The following ASTN2 variants were observed in gnomAD, a reference collection of about 807,000 sequenced individuals.
The protein encoded by ASTN2 is astrotactin-2.
In ASTN2, 54 loss-of-function variants were observed where a neutral mutation model predicts 139.8. That is an observed-to-expected ratio of 0.39 (90% CI 0.31 to 0.48). The LOEUF (loss-of-function observed/expected upper bound fraction) is 0.48, where lower values mean the gene tolerates loss of function less well. Ranked by LOEUF, ASTN2 falls within the 20% of genes least tolerant of loss-of-function variation. The pLI, the probability that ASTN2 is intolerant of heterozygous loss-of-function variation, is 0.95. For synonymous variants in ASTN2, 756 were observed against 719.5 expected (o/e 1.05, Z -0.81); for missense variants, 1,565 against 1,725.1 (o/e 0.91, Z 1.64).
chr9:117,193,476 AAAAATACAAAAATTAGCTG>A (rs1831402695), intron 3 of ASTN2, among the ~76,000 whole-genome samples: 5 of 151,834 alleles, frequency 3.3e-5, no homozygotes, highest in South Asian at 4.2e-4. Flanking sequence ...TGTCTCTACT[AAAAATACAAAAATTAGCTG>A]GGTGTGGTGG....
intron 3 of ASTN2, among the ~76,000 whole-genome samples, chr9:117,159,094 A>C (rs2132896349): frequency 6.6e-6 from 1 of 152,116 alleles, no homozygotes; most frequent in Non-Finnish European, 1.5e-5. Flanking sequence ...ATTTCATTTG[A>C]AATTGGGTAA....
At chr9:117,269,734 T>C (rs915366533) in intron 2 of ASTN2, among the ~76,000 whole-genome samples, 22 of 152,222 alleles carry the variant, frequency 1.4e-4, no homozygotes, top group Non-Finnish European at 2.5e-4. Context: ...CTAGCCATCA[T>C]TCTAATTTGC....
At chr9:116,995,327 TA>T (rs1836985267) in intron 7 of ASTN2, among the ~76,000 whole-genome samples, 1 of 152,124 alleles carries the variant, frequency 6.6e-6, no homozygotes, top group African/African-American at 2.4e-5. Flanking sequence ...GTATTATAAA[TA>T]AAGAATATGA....
At chr9:116,974,039 T>C (rs906958215) in intron 10 of ASTN2, among the ~76,000 whole-genome samples, 3 of 152,194 alleles carry the variant, frequency 2.0e-5, no homozygotes, top group African/African-American at 7.2e-5. Context: ...AAGGCAACTA[T>C]GGAGCTGTTG....
At chr9:117,101,826 T>C (rs978722251) in intron 4 of ASTN2, among the ~76,000 whole-genome samples, 5 of 152,130 alleles carry the variant, frequency 3.3e-5, no homozygotes, top group Non-Finnish European at 7.4e-5. Flanking sequence ...ACCGAAACCA[T>C]AGATATCACA....
chr9:117,006,104 C>T (rs1481026377), intron 7 of ASTN2, among the ~76,000 whole-genome samples: 3 of 152,070 alleles, frequency 2.0e-5, no homozygotes, highest in Admixed American at 6.6e-5. Context: ...AGGGTGCCCA[C>T]CAGGTAAAAG....
chr9:117,009,233 T>C (rs953937684), intron 6 of ASTN2, among the ~76,000 whole-genome samples: 1 of 152,194 alleles, frequency 6.6e-6, no homozygotes, highest in Non-Finnish European at 1.5e-5. Context: ...ATGGCTAACA[T>C]TTCTTCTTGA....
Position 116,863,564 on chromosome 9 carries a change from C to T in ASTN2, c.2040+19G>A, listed in dbSNP as rs200874758. ...AGCCCCTGGGCCACTGCCATGTTCC[C>T]GGGCCAATGGGCACTTACCACACAT... On this transcript the variant is annotated intron_variant, in intron 11 of 22. Transcript: ENST00000313400. 3.1e-5 allele frequency: 50 copies of T among 1,611,920 alleles called. No individual in the cohort carries two copies. The East Asian group carries it at 5.4e-4, about 17-fold the overall frequency.
chr9:116,892,869 A>G (rs967639431), intron 10 of ASTN2, among the ~76,000 whole-genome samples: 4 of 152,194 alleles, frequency 2.6e-5, no homozygotes, highest in African/African-American at 7.2e-5. Context: ...TTTAAACAGC[A>G]AATTTCTTTT....
chr9:117,127,636 T>C (rs1470691597), intron 4 of ASTN2, among the ~76,000 whole-genome samples: 1 of 151,484 alleles, frequency 6.6e-6, no homozygotes, highest in East Asian at 1.9e-4. Context: ...ACAGTCTCCC[T>C]GTGATTTCAG....
chr9:116,928,654 CTG>C (rs1253132660), intron 10 of ASTN2, among the ~76,000 whole-genome samples: 2 of 151,630 alleles, frequency 1.3e-5, no homozygotes, highest in Admixed American at 6.6e-5. Context: ...TAAAAGAAAA[CTG>C]TATTAAAAGA....
intron 1 of ASTN2, among the ~76,000 whole-genome samples, chr9:117,328,461 A>G (rs560739761): frequency 6.6e-6 from 1 of 152,308 alleles, no homozygotes; most frequent in Non-Finnish European, 1.5e-5. Flanking sequence ...TCTCTCTGCC[A>G]TGACCTGCCC....
At chr9:116,857,857 A>G (rs903567388) in intron 11 of ASTN2, among the ~76,000 whole-genome samples, 1 of 152,088 alleles carries the variant, frequency 6.6e-6, no homozygotes, top group Non-Finnish European at 1.5e-5. Flanking sequence ...GACCTGCTTG[A>G]CCAATAGAAT....
chr9:117,095,349 G>A (rs1828814428), intron 5 of ASTN2, among the ~76,000 whole-genome samples: 2 of 152,332 alleles, frequency 1.3e-5, no homozygotes, highest in African/African-American at 2.4e-5. Context: ...AGGGAACGAT[G>A]GATCTTGGCC....
At chr9:116,708,754 A>T (rs767869528) in intron 16 of ASTN2, among the ~76,000 whole-genome samples, 5 of 152,334 alleles carry the variant, frequency 3.3e-5, no homozygotes, top group Admixed American at 1.3e-4. Flanking sequence ...CAATTTTTTT[A>T]AAAGCCCAAT....
At chr9:117,400,552 C>T (rs1166213704) in intron 1 of ASTN2, among the ~76,000 whole-genome samples, 2 of 152,144 alleles carry the variant, frequency 1.3e-5, no homozygotes, top group Non-Finnish European at 2.9e-5. Flanking sequence ...AGTCCCCCTC[C>T]CTGGGGAAGG....
In ASTN2 at chr9:116,684,708, C is replaced by T. The variant is rs147998731; in HGVS notation, c.2807-32915G>A. On this transcript the variant is annotated intron_variant, in intron 16 of 22. Transcript: ENST00000313400. ...TTGGGGTTGACTCCCATTCCCACTACGTCCCCTGTCAGCAAGAAGAACCCA... is the reference window on the plus strand; with the variant it reads ...TTGGGGTTGACTCCCATTCCCACTATGTCCCCTGTCAGCAAGAAGAACCCA... Among the ~76,000 whole-genome samples the T allele has an allele frequency of 6.6e-3, 1,006 of 152,296 alleles. 11 individuals carry two copies. Among genetic ancestry groups the T allele is most frequent in the African/African-American group, 0.023 (948 of 41,554 alleles).
Position 116,696,081 on chromosome 9 carries a change from T to TC in ASTN2, c.2806+29689dup, listed in dbSNP as rs200994877. Among the ~76,000 whole-genome samples, 882 of 152,280 alleles carry TC rather than the reference T, an allele frequency of 5.8e-3. 10 individuals carry two copies. Among genetic ancestry groups the TC allele is most frequent in the African/African-American group, 0.02 (831 of 41,532 alleles). ...CATTATCCCCGTCTTCTCTGATGTT[T>TC]CCCCACTCCATTCCTGCTTTGATCA... On this transcript the variant is annotated intron_variant, in intron 16 of 22. Transcript: ENST00000313400.
At chr9:116,672,888 A>G (rs1243027039) in intron 16 of ASTN2, among the ~76,000 whole-genome samples, 3 of 152,222 alleles carry the variant, frequency 2.0e-5, no homozygotes, top group African/African-American at 2.4e-5. Context: ...AACTTAGTTT[A>G]TATTATTAAT....
Sources: allele counts gnomAD v4.1 joint callset (sites outside exome capture counted in the v4.1 genomes callset), GRCh38; gene constraint gnomAD v4.1.1; transcripts MANE v1.5; gene names NCBI Gene and HGNC (gene_info 2026-07-23, HGNC 2026-07-21).